Variants in SLCO3A1 observed in about 807,000 individuals in gnomAD.
SLCO3A1 encodes the protein solute carrier organic anion transporter family member 3A1.
A neutral mutation model predicts 63.1 loss-of-function variants in SLCO3A1; 27 were observed. The observed-to-expected ratio is 0.43, with a 90% confidence interval of 0.32 to 0.59. SLCO3A1 has a LOEUF of 0.59. Among genes scored for constraint, SLCO3A1 ranks in the 20% least tolerant of loss-of-function variants. The pLI, the probability that SLCO3A1 is intolerant of heterozygous loss-of-function variation, is 0.09. For missense variants in SLCO3A1, 773 were observed against 945.8 expected (o/e 0.82, Z 2.40); for synonymous variants, 473 against 409.9 (o/e 1.15, Z -1.86).
intron 7 of SLCO3A1, among the ~76,000 whole-genome samples, chr15:92,145,083 G>C (rs565392121): frequency 6.6e-6 from 1 of 152,304 alleles, no homozygotes; most frequent in Admixed American, 6.5e-5. Context: ...GGAGTGATGA[G>C]TAGTGAGCAA....
chr15:92,025,448 T>TTGC (rs1201898530), intron 2 of SLCO3A1, among the ~76,000 whole-genome samples: 16 of 152,194 alleles, frequency 1.1e-4, no homozygotes, highest in East Asian at 7.7e-4. Context: ...GCTGCTGCTC[T>TTGC]TGCTGCTGCT....
intron 2 of SLCO3A1, among the ~76,000 whole-genome samples, chr15:91,991,226 G>T (rs2046122330): frequency 6.6e-6 from 1 of 152,094 alleles, no homozygotes; most frequent in Non-Finnish European, 1.5e-5. Context: ...AAAAAATTAG[G>T]CAGGGTGGTG....
At chr15:92,016,268 A>AGATAGATAGATG in intron 2 of SLCO3A1, among the ~76,000 whole-genome samples, 1 of 133,778 alleles carries the variant, frequency 7.5e-6, no homozygotes, top group African/African-American at 2.9e-5. Flanking sequence ...ATAGATAGAT[A>AGATAGATAGATG]GATAGATAGA....
In SLCO3A1 at chr15:91,885,800, C is replaced by A. The variant is rs1202732000; in HGVS notation, c.181-30193C>A. Among the ~76,000 whole-genome samples the A allele has an allele frequency of 6.6e-6, 1 of 152,172 alleles. No individual in the cohort carries two copies. The highest frequency in any genetic ancestry group is 2.4e-5 in the African/African-American group (1 of 41,438). ...AATCGGCTGGACCTTTCTCTAAAGG[C>A]CTCTCTGGGCGGGTGATATTTGAGT... is the stretch of plus-strand genomic sequence containing the variant. On this transcript the variant is annotated intron_variant, in intron 1 of 9. Coordinates refer to ENST00000318445, the MANE Select transcript of SLCO3A1 (RefSeq NM_013272.4). The surrounding 1 kb of genome is among the most constrained non-coding windows in gnomAD (Gnocchi z 4.7).
rs1897095675 is a variant in SLCO3A1, at chr15:91,863,488, G to A, written c.180+9400G>A. ...TGGCCGTTTCATTTCTCAGAGTGCT[G>A]CTGTGATAGCACTTGGAATTTACTG... On this transcript the variant is annotated intron_variant, in intron 1 of 9. Transcript: ENST00000318445. The surrounding 1 kb of genome is among the most constrained non-coding windows in gnomAD (Gnocchi z 4.3). Among the ~76,000 whole-genome samples the A allele has an allele frequency of 6.6e-6, 1 of 152,214 alleles. No homozygotes were observed.
intron 2 of SLCO3A1, among the ~76,000 whole-genome samples, chr15:92,028,478 G>A (rs938721436): frequency 1.3e-5 from 2 of 152,162 alleles, no homozygotes; most frequent in African/African-American, 4.8e-5. Context: ...GCACTAGACA[G>A]CCAGTGTTCT....
intron 8 of SLCO3A1, chr15:92,149,798 A>C (rs1012481560): frequency 2.0e-5 from 3 of 152,206 alleles, no homozygotes; most frequent in African/African-American, 7.2e-5. Flanking sequence ...AAGGAAATCA[A>C]ATTTCAGGTG....
rs1897699155 is a variant in SLCO3A1, at chr15:91,885,458, T to C, written c.181-30535T>C. 6.6e-6 allele frequency among the ~76,000 whole-genome samples: 1 copy of C among 152,210 alleles called. No homozygotes were observed. ...GGAAGAAGCCGGGCAGATGCCTCTT[T>C]GTTCCAGCAGCCAAACTCCAGCATG... On this transcript the variant is annotated intron_variant, in intron 1 of 9. Coordinates refer to ENST00000318445, the MANE Select transcript of SLCO3A1 (RefSeq NM_013272.4). This position sits in a 1 kb window ranked among gnomAD's most constrained non-coding sequence, Gnocchi z 4.7.
rs550404449 is a variant in SLCO3A1, at chr15:92,033,979, G to A, written c.647-60902G>A. ...GGAGGGGGAGGAGCAGAATGAATGGGGGCGCCATGGCAGATCACGTGGAGT... is the reference window on the plus strand; with the variant it reads ...GGAGGGGGAGGAGCAGAATGAATGGAGGCGCCATGGCAGATCACGTGGAGT... On this transcript the variant is annotated intron_variant, in intron 2 of 9. Transcript: ENST00000318445. This position sits in a 1 kb window ranked among gnomAD's most constrained non-coding sequence, Gnocchi z 4.5. Among the ~76,000 whole-genome samples the A allele has an allele frequency of 1.3e-5, 2 of 152,036 alleles. No homozygotes were observed. The highest frequency in any genetic ancestry group is 6.6e-5 in the Admixed American group (1 of 15,266).
At chr15:92,126,037 C>A in intron 5 of SLCO3A1, 24 bp from the exon 6 acceptor site, 1 of 1,608,264 alleles carries the variant, frequency 6.2e-7, no homozygotes, top group Non-Finnish European at 8.5e-7. Context: ...TGTTCACAGC[C>A]CTGCCCCTCT....
At chr15:92,017,287 G>T (rs1026474123) in intron 2 of SLCO3A1, among the ~76,000 whole-genome samples, 27 of 132,314 alleles carry the variant, frequency 2.0e-4, no homozygotes, top group African/African-American at 9.8e-4. Flanking sequence ...GCTGGGATTG[G>T]GGGGGGGTAG....
chr15:92,081,568 AT>A (rs991662712), intron 2 of SLCO3A1, among the ~76,000 whole-genome samples: 65 of 152,108 alleles, frequency 4.3e-4, no homozygotes, highest in African/African-American at 1.5e-3. Context: ...GGTTTTCACC[AT>A]GTTGGCCAGG....
At chr15:91,973,681 A>G (rs1900973266) in intron 2 of SLCO3A1, among the ~76,000 whole-genome samples, 1 of 152,128 alleles carries the variant, frequency 6.6e-6, no homozygotes, top group Admixed American at 6.6e-5. Flanking sequence ...GGGTTGGAAC[A>G]CAGGGGAAGT....
chr15:91,967,978 A>G lies in SLCO3A1; in HGVS notation c.646+51520A>G, dbSNP rs1023547703. 2.0e-5 allele frequency among the ~76,000 whole-genome samples: 3 copies of G among 152,178 alleles called. No individual in the cohort carries two copies. The highest frequency in any genetic ancestry group is 4.8e-5 in the African/African-American group (2 of 41,446). ...GCTCCCCTCTTCCTGCAGAGATGCAAGATGGCTTTGAAATGTCCCTATCTT... is the reference window on the plus strand; with the variant it reads ...GCTCCCCTCTTCCTGCAGAGATGCAGGATGGCTTTGAAATGTCCCTATCTT... On this transcript the variant is annotated intron_variant, in intron 2 of 9. Transcript: ENST00000318445. The surrounding 1 kb of genome is among the most constrained non-coding windows in gnomAD (Gnocchi z 4.4).
intron 7 of SLCO3A1, among the ~76,000 whole-genome samples, chr15:92,132,343 TTTTTA>T (rs2048006419): frequency 6.9e-6 from 1 of 145,562 alleles, no homozygotes. Context: ...GGATTTTTTT[TTTTTA>T]TTTTCTTATA....
intron 2 of SLCO3A1, among the ~76,000 whole-genome samples, chr15:91,939,241 G>A (rs1057300356): frequency 5.3e-5 from 8 of 151,982 alleles, no homozygotes; most frequent in African/African-American, 1.7e-4. Context: ...GAGAGAATTG[G>A]GAGGTGCCAC....
chr15:91,973,364 C>A (rs1255893067), intron 2 of SLCO3A1, among the ~76,000 whole-genome samples: 63 of 152,190 alleles, frequency 4.1e-4, no homozygotes, highest in Non-Finnish European at 1.0e-4. Flanking sequence ...AGCGAGGTTA[C>A]CTGCATTGTC....
chr15:92,164,608 G>A lies in SLCO3A1; in HGVS notation c.*1473G>A, dbSNP rs2048477626. 3 of 985,010 alleles carry A rather than the reference G, an allele frequency of 3.0e-6. No individual in the cohort carries two copies. The highest frequency in any genetic ancestry group is 4.7e-5 in the South Asian group (1 of 21,266). 61.0% of individuals were successfully genotyped at this position (985,010 alleles called of 1,614,324 possible). A position where few individuals can be genotyped will look rare whatever the true frequency, so the allele number is the denominator to read the frequency against. On this transcript the variant is annotated 3_prime_UTR_variant, in exon 10 of 10. Coordinates refer to ENST00000318445, the MANE Select transcript of SLCO3A1 (RefSeq NM_013272.4). The stretch of plus-strand genomic sequence containing the variant: ...CCTAACACAAGCTGTTAAGAAGTCT[G>A]TAGCATCTCTGATAACGAATAGACC...
At chr15:91,902,157 T>A (rs1388524236) in intron 1 of SLCO3A1, among the ~76,000 whole-genome samples, 1 of 152,208 alleles carries the variant, frequency 6.6e-6, no homozygotes, top group African/African-American at 2.4e-5. Flanking sequence ...ACTCTAGAAT[T>A]TCCATTTGGT....
Sources: gnomAD v4.1 joint callset for allele counts (sites outside exome capture counted in the v4.1 genomes callset) on GRCh38, gnomAD v4.1.1 for gene constraint, Gnocchi (gnomAD v3.1) non-coding constraint, MANE v1.5 for transcripts, NCBI Gene and HGNC (gene_info 2026-07-23, HGNC 2026-07-21) for gene names.